Variants in RBFOX1 observed in about 807,000 individuals in gnomAD.
RBFOX1 encodes RNA binding protein fox-1 homolog 1.
A neutral mutation model predicts 57.7 loss-of-function variants in RBFOX1; 8 were observed. The observed-to-expected ratio is 0.14, with a 90% CI of 0.08 to 0.25. The LOEUF is 0.25. RBFOX1 is among the 10% of genes least tolerant of loss of function. RBFOX1 has a pLI of 1.00. For synonymous variants in RBFOX1, 326 were observed against 222.4 expected (o/e 1.47, Z -4.15); for missense variants, 611 against 548.5 (o/e 1.11, Z -1.14).
chr16:5,903,066 C>G (rs182568235), intron 4 of RBFOX1, among the ~76,000 whole-genome samples: 1 of 151,926 alleles, frequency 6.6e-6, no homozygotes, highest in Non-Finnish European at 1.5e-5. Context: ...TTGCCTGAGC[C>G]GACTTACTGT....
At chr16:6,021,355 A>T (rs540285824) in intron 1 of RBFOX1, among the ~76,000 whole-genome samples, 1 of 152,080 alleles carries the variant, frequency 6.6e-6, no homozygotes, top group Non-Finnish European at 1.5e-5. Context: ...TACAAAAGAG[A>T]GAAAAAAAAG....
chr16:6,837,094 C>T (rs2093156277), intron 3 of RBFOX1, among the ~76,000 whole-genome samples: 1 of 152,132 alleles, frequency 6.6e-6, no homozygotes, highest in Non-Finnish European at 1.5e-5. Context: ...TTAACAATAG[C>T]CAGAGCAGTA....
chr16:6,818,414 G>T (rs1177283882), intron 3 of RBFOX1, among the ~76,000 whole-genome samples: 1 of 152,062 alleles, frequency 6.6e-6, no homozygotes, highest in African/African-American at 2.4e-5. Flanking sequence ...CTGACGTACA[G>T]ATCCATGAGT....
intron 2 of RBFOX1, among the ~76,000 whole-genome samples, chr16:5,536,228 CTTTTTT>C (rs57061495): frequency 0.055 from 5,678 of 103,288 alleles, 237 homozygotes; most frequent in African/African-American, 0.15. Flanking sequence ...AATCTCCTGT[CTTTTTT>C]TTTTTTTTTT....
At chr16:6,922,662 G>C (rs930406686) in intron 3 of RBFOX1, among the ~76,000 whole-genome samples, 6 of 149,802 alleles carry the variant, frequency 4.0e-5, no homozygotes, top group African/African-American at 1.5e-4. Flanking sequence ...CCAGGTGAGG[G>C]TGGAGTAAAC....
chr16:7,461,175 ATT>A (rs201758297), intron 4 of RBFOX1, among the ~76,000 whole-genome samples: 1 of 147,780 alleles, frequency 6.8e-6, no homozygotes. Flanking sequence ...AGGCAAAACA[ATT>A]TTTTTTTTTT....
At position 6,747,688 on chromosome 16, in the gene RBFOX1, G is replaced by T. The variant is rs184709132; in HGVS notation, c.-16+93038G>T. Among the ~76,000 whole-genome samples, 32 of 152,144 alleles carry T rather than the reference G, an allele frequency of 2.1e-4. 1 individual carries two copies. The East Asian group carries it at 5.0e-3, about 24-fold the overall frequency. On this transcript the variant is annotated intron_variant, in intron 3 of 15. Transcript: ENST00000550418. ...CCCCTACTATGTCCTTCTGATTGCT[G>T]CCTTTTTTGCAAAAGCAGAAATATG...
At chr16:7,291,300 C>A (rs1171978236) in intron 4 of RBFOX1, among the ~76,000 whole-genome samples, 1 of 152,104 alleles carries the variant, frequency 6.6e-6, no homozygotes, top group Non-Finnish European at 1.5e-5. Flanking sequence ...TTTAAAATTC[C>A]TCTGTGGCAC....
intron 3 of RBFOX1, among the ~76,000 whole-genome samples, chr16:6,786,837 A>G (rs1362925289): frequency 2.0e-5 from 3 of 152,060 alleles, no homozygotes; most frequent in Non-Finnish European, 2.9e-5. Context: ...AAGGGTAGGG[A>G]ATTGATTTGA....
At chr16:7,432,771 G>A (rs2098692360) in intron 4 of RBFOX1, among the ~76,000 whole-genome samples, 2 of 152,176 alleles carry the variant, frequency 1.3e-5, no homozygotes, top group Non-Finnish European at 2.9e-5. Context: ...TGTGATGTGT[G>A]GAATCTCCCC....
intron 3 of RBFOX1, among the ~76,000 whole-genome samples, chr16:5,690,217 G>A (rs527406876): frequency 1.3e-5 from 2 of 152,348 alleles, no homozygotes; most frequent in South Asian, 4.1e-4. Flanking sequence ...ATTGAAGACA[G>A]TCATCCATGA....
chr16:6,919,164 T>G (rs1359357681), intron 3 of RBFOX1, among the ~76,000 whole-genome samples: 1 of 151,946 alleles, frequency 6.6e-6, no homozygotes, highest in Non-Finnish European at 1.5e-5. Context: ...TATTGTTTTT[T>G]TGGAGATGGG....
chr16:5,451,578 T>G (rs900854612), intron 1 of RBFOX1, among the ~76,000 whole-genome samples: 1 of 152,192 alleles, frequency 6.6e-6, no homozygotes, highest in African/African-American at 2.4e-5. Context: ...TCTTGTACTT[T>G]AGAAAGAGCA....
intron 3 of RBFOX1, among the ~76,000 whole-genome samples, chr16:6,826,537 C>T (rs962099303): frequency 6.6e-6 from 1 of 152,020 alleles, no homozygotes; most frequent in Non-Finnish European, 1.5e-5. Context: ...TGGGCACAGT[C>T]TTCCGGGCAT....
intron 3 of RBFOX1, among the ~76,000 whole-genome samples, chr16:5,770,955 G>T (rs74006276): frequency 0.03 from 4,582 of 152,226 alleles, 223 homozygotes; most frequent in African/African-American, 0.1. Context: ...GGTGAACTCT[G>T]TTTCCTGTCT....
intron 3 of RBFOX1, among the ~76,000 whole-genome samples, chr16:6,671,239 A>G (rs944333355): frequency 6.6e-6 from 1 of 152,180 alleles, no homozygotes; most frequent in African/African-American, 2.4e-5. Flanking sequence ...GCTTAATCTT[A>G]AGGTAATGGC....
chr16:7,393,887 C>T (rs1423555561), intron 4 of RBFOX1, among the ~76,000 whole-genome samples: 3 of 152,072 alleles, frequency 2.0e-5, no homozygotes, highest in African/African-American at 7.2e-5. Flanking sequence ...ACACCCACGT[C>T]AGCAGGAAGA....
In RBFOX1 at chr16:5,934,403, C is replaced by G. The variant is rs913362138; in HGVS notation, c.351+67068C>G. 3.9e-5 allele frequency among the ~76,000 whole-genome samples: 6 copies of G among 152,290 alleles called. No homozygotes were observed. In the East Asian group the frequency reaches 9.6e-4, roughly 24 times the overall value. ...GTGTGGATTTTGCATTTATGTAAAG[C>G]TTCCTTTCTAAATCTATTACTTTCT... On this transcript the variant is annotated intron_variant, in intron 4 of 19. Coordinates refer to the RBFOX1 transcript ENST00000641259.
intron 11 of RBFOX1, among the ~76,000 whole-genome samples, chr16:7,635,720 T>G (rs77854135): frequency 0.025 from 3,845 of 152,332 alleles, 181 homozygotes; most frequent in African/African-American, 0.088. Flanking sequence ...TTCATCCAGT[T>G]TGTTTAATGA....
Sources: allele counts gnomAD v4.1 joint callset (sites outside exome capture counted in the v4.1 genomes callset), GRCh38; gene constraint gnomAD v4.1.1; transcripts MANE v1.5; gene names NCBI Gene and HGNC (gene_info 2026-07-23, HGNC 2026-07-21).